PCDHA7: variants seen among roughly 807,000 people sequenced by gnomAD.
PCDHA7 encodes the protein protocadherin alpha-7.
PCDHA7 carries 37 observed loss-of-function variants against 57.2 expected under a neutral mutation model. The observed-to-expected ratio is 0.65, with a 90% CI of 0.50 to 0.85. The LOEUF (loss-of-function observed/expected upper bound fraction) is 0.85, where lower values mean the gene tolerates loss of function less well. Among genes scored for constraint, PCDHA7 ranks in the 40% least tolerant of loss-of-function variants. The pLI is 0.00. For missense variants in PCDHA7, 1,188 were observed against 1,241.8 expected, an observed-to-expected ratio of 0.96 and a Z score of 0.65; for synonymous variants, 553 against 558.8, an observed-to-expected ratio of 0.99 and a Z score of 0.15.
intron 1 of PCDHA7, chr5:140,967,137 T>C: frequency 1.2e-6 from 2 of 1,611,728 alleles, no homozygotes; most frequent in Non-Finnish European, 1.7e-6. Context: ...TTGGAAGTGC[T>C]GGCGCACAAC....
chr5:140,923,964 C>A (rs1410428693), intron 1 of PCDHA7, among the ~76,000 whole-genome samples: 1 of 152,160 alleles, frequency 6.6e-6, no homozygotes, highest in East Asian at 1.9e-4. Context: ...CTAATCTATA[C>A]CCACACATAC....
intron 1 of PCDHA7, among the ~76,000 whole-genome samples, chr5:140,934,224 AT>A: frequency 6.6e-6 from 1 of 152,246 alleles, no homozygotes. Context: ...TGTTTAAAAG[AT>A]TTGTACTTAA....
chr5:140,884,409 C>A (rs373513056), intron 1 of PCDHA7: 1 of 1,613,992 alleles, frequency 6.2e-7, no homozygotes, highest in Non-Finnish European at 8.5e-7. Context: ...TTGGTGCTCA[C>A]GTTGCTGCTG....
At chr5:140,916,760 G>A (rs1387005871) in intron 1 of PCDHA7, among the ~76,000 whole-genome samples, 1 of 152,180 alleles carries the variant, frequency 6.6e-6, no homozygotes, top group Non-Finnish European at 1.5e-5. Context: ...ATTAGGGGAG[G>A]GGTGGCACAA....
In PCDHA7 at chr5:141,010,350, G is replaced by A; in HGVS notation, c.*413G>A. The A allele has an allele frequency of 6.6e-7, 1 of 1,515,722 alleles. No individual in the cohort carries two copies. Among genetic ancestry groups the A allele is most frequent in the Non-Finnish European group, 8.8e-7 (1 of 1,132,152 alleles). The allele number at this position is 1,515,722 out of a possible 1,614,324, so 93.9% of individuals were successfully genotyped here. A position where few individuals can be genotyped will look rare whatever the true frequency, so the allele number is the denominator to read the frequency against. ...GGGAGTTTGTGGCCACTGGGTATGT[G>A]TGGCTACCGCGGGTATGCGAGTGCC... is the stretch of plus-strand genomic sequence containing the variant. On this transcript the variant is annotated 3_prime_UTR_variant, in exon 4 of 4. Transcript: ENST00000525929.
chr5:141,000,743 TA>T (rs527867626), intron 3 of PCDHA7, among the ~76,000 whole-genome samples: 276 of 145,094 alleles, frequency 1.9e-3, no homozygotes, highest in Admixed American at 4.4e-3. Context: ...CTCTGTATAT[TA>T]AAAAAAAAAA....
intron 1 of PCDHA7, among the ~76,000 whole-genome samples, chr5:140,873,569 G>A (rs1419596036): frequency 6.7e-6 from 1 of 148,974 alleles, no homozygotes; most frequent in African/African-American, 2.4e-5. Context: ...TTCTAGTTTG[G>A]TTGTTTAAGT....
At chr5:140,839,689 T>C (rs1776365065) in intron 1 of PCDHA7, among the ~76,000 whole-genome samples, 1 of 152,086 alleles carries the variant, frequency 6.6e-6, no homozygotes, top group East Asian at 1.9e-4. Context: ...GAGATTTTTT[T>C]GGGTAAATAA....
chr5:140,847,960 C>T (rs1781264454), intron 1 of PCDHA7: 1 of 152,930 alleles, frequency 6.5e-6, no homozygotes. Context: ...ACACTAGAAT[C>T]CTATTTCGAG....
intron 1 of PCDHA7, chr5:140,852,574 G>T (rs1056497020): frequency 3.8e-6 from 3 of 793,008 alleles, no homozygotes; most frequent in Non-Finnish European, 4.7e-6. Context: ...CTGTGCCAAG[G>T]CTTTTTTATT....
In PCDHA7 at chr5:141,011,725, TGCAA is replaced by T. The variant is rs1283017882; in HGVS notation, c.*1792_*1795del. 6.5e-6 allele frequency: 1 copy of T among 153,742 alleles called. No individual in the cohort carries two copies. The highest frequency in any genetic ancestry group is 1.5e-5 in the Non-Finnish European group (1 of 68,032). The allele number at this position is 153,742 out of a possible 1,614,324, so 9.5% of individuals were successfully genotyped here. ...ATACTGACAATATTCCATGAGGGTG[TGCAA>T]GCACAAATTTTACCAATCTGACCTC... On this transcript the variant is annotated 3_prime_UTR_variant, in exon 4 of 4. Coordinates refer to ENST00000525929, the MANE Select transcript of PCDHA7 (RefSeq NM_018910.3).
chr5:140,876,829 C>T (rs782699472), intron 1 of PCDHA7: 2 of 1,614,196 alleles, frequency 1.2e-6, no homozygotes, highest in Non-Finnish European at 1.7e-6. Context: ...CGACAATGCG[C>T]CTGCGTTCGC....
intron 1 of PCDHA7, chr5:140,869,142 A>G: frequency 6.2e-7 from 1 of 1,613,402 alleles, no homozygotes; most frequent in Non-Finnish European, 8.5e-7. Context: ...GCACCCCACG[A>G]CTACAGCTCT....
At chr5:140,981,666 C>CT (rs1430989347) in intron 2 of PCDHA7, among the ~76,000 whole-genome samples, 8 of 152,058 alleles carry the variant, frequency 5.3e-5, no homozygotes, top group Non-Finnish European at 1.0e-4. Flanking sequence ...TTCTTCCTTC[C>CT]TTTCTTCCTT....
At chr5:140,967,249 G>A (rs782040791) in intron 1 of PCDHA7, 1 of 1,613,592 alleles carries the variant, frequency 6.2e-7, no homozygotes, top group Non-Finnish European at 8.5e-7. Context: ...GCGAATCGGT[G>A]GCGCCTGGAG....
chr5:140,987,293 T>C (rs2097246211), intron 3 of PCDHA7, among the ~76,000 whole-genome samples: 1 of 152,134 alleles, frequency 6.6e-6, no homozygotes, highest in African/African-American at 2.4e-5. Context: ...TAACAAGCCT[T>C]CTATGTGATA....
At chr5:140,941,241 T>TTCTTTCTTTCTTTCTTTCTTTC in intron 1 of PCDHA7, among the ~76,000 whole-genome samples, 2 of 140,458 alleles carry the variant, frequency 1.4e-5, no homozygotes, top group South Asian at 4.5e-4. Context: ...CTTTCTTTCT[T>TTCTTTCTTTCTTTCTTTCTTTC]TCTTTCTTTC....
chr5:140,954,523 G>A (rs1368260807), intron 1 of PCDHA7, among the ~76,000 whole-genome samples: 4 of 152,186 alleles, frequency 2.6e-5, no homozygotes, highest in African/African-American at 9.6e-5. Flanking sequence ...AATGATCAGT[G>A]ATGTTGAGGT....
At chr5:140,842,539 G>T (rs182995378) in intron 1 of PCDHA7, 7 of 1,610,436 alleles carry the variant, frequency 4.3e-6, no homozygotes, top group African/African-American at 1.3e-5. Context: ...ATTACTACTC[G>T]TTGGTGCTGG....
Sources: gnomAD v4.1 joint callset for allele counts (sites outside exome capture counted in the v4.1 genomes callset) on GRCh38, gnomAD v4.1.1 for gene constraint, MANE v1.5 for transcripts, NCBI Gene and HGNC (gene_info 2026-07-23, HGNC 2026-07-21) for gene names.